EPPK1: variants seen among roughly 807,000 people sequenced by gnomAD.
EPPK1 encodes epiplakin.
For synonymous variants in EPPK1, 1,862 were observed against 1,721.2 expected, an observed-to-expected ratio of 1.08 and a Z score of -2.03; for missense variants, 3,823 against 3,673.3, an observed-to-expected ratio of 1.04 and a Z score of -1.05.
At position 143,866,774 on chromosome 8, in the gene EPPK1, C is replaced by G. The variant is rs1344090961; in HGVS notation, c.6480G>C (p.Glu2160Asp). Residue 2160 changes from glutamate to aspartate, a missense_variant, in exon 2 of 2, where the codon GAG becomes GAC. By Grantham distance (45) the Glu-to-Asp change is conservative. Coordinates refer to ENST00000615648, the MANE Select transcript of EPPK1 (RefSeq NM_031308.4). Reference sequence around the variant, plus strand: ...TGCTGGTTTCCTGCTTCTCGATCAACTCTAAGATGAGCTGCGCTACCGTCT... The same window carrying G: ...TGCTGGTTTCCTGCTTCTCGATCAAGTCTAAGATGAGCTGCGCTACCGTCT... ...ALQTVAQLILELIEKQETSNK... is the reference protein window; with the variant it reads ...ALQTVAQLILDLIEKQETSNK... The G allele has an allele frequency of 2.5e-6, 4 of 1,613,536 alleles. No homozygotes were observed. The highest frequency in any genetic ancestry group is 1.1e-5 in the South Asian group (1 of 91,090).
chr8:143,878,055 C>T (rs1278315576), intron 1 of EPPK1, among the ~76,000 whole-genome samples: 1 of 152,128 alleles, frequency 6.6e-6, no homozygotes, highest in Non-Finnish European at 1.5e-5. Flanking sequence ...GGGCGTTCCC[C>T]ACCCTGCAGA....
Position 143,866,797 on chromosome 8 carries a change from T to A in EPPK1, c.6457A>T (p.Thr2153Ser). The A allele has an allele frequency of 6.2e-7, 1 of 1,613,460 alleles. No individual in the cohort carries two copies. ...YRTHTRRALQ[T>S]VAQLILELIE... ...AACTCTAAGATGAGCTGCGCTACCGTCTGCAGTGCCCGTCTGGTGTGTGTT... is the reference window on the plus strand; with the variant it reads ...AACTCTAAGATGAGCTGCGCTACCGACTGCAGTGCCCGTCTGGTGTGTGTT... The change falls in exon 2 of 2, where the codon ACG becomes TCG. Residue 2153 changes from threonine to serine, a missense_variant. Coordinates refer to ENST00000615648, the MANE Select transcript of EPPK1 (RefSeq NM_031308.4).
Position 143,867,353 on chromosome 8 carries a change from C to A in EPPK1, c.5901G>T (p.Arg1967Ser). ...TGGCAGCTCTTTCAGCCTTCAGGAG[C>A]CTCTCCCGCAGCTCCTCGTTCACCA... The part of the protein sequence containing the change: ...VGLVNEELRE[R>S]LLKAERAATG... Residue 1967 changes from arginine to serine, a missense_variant, in exon 2 of 2, where the codon AGG becomes AGT. Coordinates refer to ENST00000615648, the MANE Select transcript of EPPK1 (RefSeq NM_031308.4). 2 of 1,612,830 alleles carry A rather than the reference C, an allele frequency of 1.2e-6. No homozygotes were observed. Among genetic ancestry groups the A allele is most frequent in the Middle Eastern group, 1.6e-4 (1 of 6,062 alleles).
rs201572196 is a variant in EPPK1 at position 143,870,924 on chromosome 8, G to T, written c.2330C>A (p.Thr777Lys). ...ACAGCGCTCCAGAAGCTGCAGGTAC[G>T]TGAGGTTCTCGTGCGTGTTGGGGTC... The part of the protein sequence containing the change: ...FFDPNTHENL[T>K]YLQLLERCVR... The change falls in exon 2 of 2, where the codon ACG becomes AAG. Residue 777 changes from threonine to lysine, a missense_variant. Transcript: ENST00000615648. This position sits in a 1 kb window ranked among gnomAD's most constrained non-coding sequence, Gnocchi z 5.2. 138 of 1,613,492 alleles carry T rather than the reference G, an allele frequency of 8.6e-5. No individual in the cohort carries two copies. In the African/African-American group the frequency reaches 1.6e-3, roughly 18 times the overall value.
rs374405420 is a variant in EPPK1 at position 143,866,859 on chromosome 8, G to C, written c.6395C>G (p.Thr2132Arg). The C allele has an allele frequency of 2.5e-6, 4 of 1,613,308 alleles. No homozygotes were observed. Among genetic ancestry groups the C allele is most frequent in the South Asian group, 1.1e-5 (1 of 91,084 alleles). ...CACCAGCTGGAGCTTCTTCTCCTCT[G>C]TCACGTATTCGGAATTCAGTAGTGC... Reference protein sequence around the residue: ...LWALLNSEYVTEEKKLQLVRM... With the variant: ...LWALLNSEYVREEKKLQLVRM... The change falls in exon 2 of 2, where the codon ACA becomes AGA. Residue 2132 changes from threonine to arginine, a missense_variant. Thr to Arg is a moderately conservative substitution (Grantham distance 71, BLOSUM62 -1). Transcript: ENST00000615648.
At chr8:143,875,990 A>T (rs1411101744) in intron 1 of EPPK1, among the ~76,000 whole-genome samples, 1 of 149,418 alleles carries the variant, frequency 6.7e-6, no homozygotes, top group Non-Finnish European at 1.5e-5. Context: ...GGGCTCCTCG[A>T]CCCCACAGCT....
chr8:143,875,996 C>T (rs1333095887), intron 1 of EPPK1, among the ~76,000 whole-genome samples: 1 of 152,194 alleles, frequency 6.6e-6, no homozygotes, highest in Non-Finnish European at 1.5e-5. Context: ...CTCGACCCCA[C>T]AGCTCTGGGG....
chr8:143,877,382 C>T (rs1175544891), intron 1 of EPPK1, among the ~76,000 whole-genome samples: 1 of 152,142 alleles, frequency 6.6e-6, no homozygotes, highest in Non-Finnish European at 1.5e-5. Flanking sequence ...GAGGTGGCTG[C>T]TGCCTAGGAG....
rs782142882 is a variant in EPPK1, at chr8:143,868,968, A to G, written c.4286T>C (p.Leu1429Ser). The change falls in exon 2 of 2, where the codon TTG becomes TCG. Residue 1429 changes from leucine to serine, a missense_variant. Coordinates refer to ENST00000615648, the MANE Select transcript of EPPK1 (RefSeq NM_031308.4). ...GTCTGAGGGCAGTGGCAACAGCAAC[A>G]ATCCGGTCTCGGAGTCGCACACGCA... is the stretch of plus-strand genomic sequence containing the variant. The part of the protein sequence containing the change: ...ERCVCDSETG[L>S]LLLPLPSDTV... The G allele has an allele frequency of 3.1e-6, 5 of 1,610,100 alleles. No homozygotes were observed. The East Asian group carries it at 6.7e-5, about 22-fold the overall frequency.
chr8:143,870,801 A>C lies in EPPK1; in HGVS notation c.2453T>G (p.Leu818Arg). The change falls in exon 2 of 2, where the codon CTG (leucine) becomes CGG (arginine). Residue 818 changes from leucine to arginine, a missense_variant. By Grantham distance (102) the Leu-to-Arg change is moderately radical. Transcript: ENST00000615648. This position sits in a 1 kb window ranked among gnomAD's most constrained non-coding sequence, Gnocchi z 5.2. ...AAACCGTCCATACTTCACGGAGAGC[A>C]GCAGGTTCTGGAAGGCCTGCTGGGT... ...SATQQAFQNL[L>R]LSVKYGRFQG... The C allele has an allele frequency of 2.5e-6, 4 of 1,612,730 alleles. No individual in the cohort carries two copies. Among genetic ancestry groups the C allele is most frequent in the Non-Finnish European group, 3.4e-6 (4 of 1,179,844 alleles).
At position 143,862,129 on chromosome 8, in the gene EPPK1, T is replaced by TG; in HGVS notation, c.11124dup (p.Thr3709HisfsTer98). ...AACTGCCCGCGCTGCACCTCCATGG[T>TG]GGCATCACGCAGGGTCTGCTCCTGG... On this transcript the variant is annotated frameshift_variant, in exon 2 of 2. Coordinates refer to ENST00000615648, the MANE Select transcript of EPPK1 (RefSeq NM_031308.4). LOFTEE classifies it low-confidence loss of function (END_TRUNC). 1 of 198,276 alleles carries TG rather than the reference T, an allele frequency of 5.0e-6. No individual in the cohort carries two copies. The highest frequency in any genetic ancestry group is 7.7e-6 in the Non-Finnish European group (1 of 129,752). The allele number at this position is 198,276 out of a possible 1,614,324, so 12.3% of individuals were successfully genotyped here.
Position 143,868,979 on chromosome 8 carries a change from G to A in EPPK1, c.4275C>T (p.Ser1425=), listed in dbSNP as rs782740869. 2.6e-5 allele frequency: 42 copies of A among 1,610,172 alleles called. No homozygotes were observed. The highest frequency in any genetic ancestry group is 2.0e-4 in the South Asian group (18 of 91,082). ...QQLRERCVCD[S]ETGLLLLPLP... ...GTGGCAACAGCAACAATCCGGTCTC[G>A]GAGTCGCACACGCAGCGCTCCCTGA... Residue 1425 remains serine, a synonymous_variant, in exon 2 of 2, where the codon TCC becomes TCT. Transcript: ENST00000615648.
rs1554661929 is a variant in EPPK1, at chr8:143,873,270, T to C, written c.-17A>G. 1.3e-6 allele frequency: 2 copies of C among 1,523,462 alleles called. No individual in the cohort carries two copies. The highest frequency in any genetic ancestry group is 1.7e-6 in the Non-Finnish European group (2 of 1,144,140). 94.4% of individuals were successfully genotyped at this position (1,523,462 alleles called of 1,614,324 possible). A position where few individuals can be genotyped will look rare whatever the true frequency, so the allele number is the denominator to read the frequency against. On this transcript the variant is annotated 5_prime_UTR_variant, in exon 2 of 2. Coordinates refer to ENST00000615648, the MANE Select transcript of EPPK1 (RefSeq NM_031308.4). Reference sequence around the variant, plus strand: ...GCCACTCATCACACACGGCTGGTTATGCAGAGCCTGCTGAGGTCCACCTCT... The same window carrying C: ...GCCACTCATCACACACGGCTGGTTACGCAGAGCCTGCTGAGGTCCACCTCT...
chr8:143,874,833 T>A (rs570278408), intron 1 of EPPK1, among the ~76,000 whole-genome samples: 1 of 152,112 alleles, frequency 6.6e-6, no homozygotes, highest in African/African-American at 2.4e-5. Flanking sequence ...TCCCTACCTC[T>A]ACACAAGGTC....
Position 143,872,771 on chromosome 8 carries a change from C to T in EPPK1, c.483G>A (p.Val161=), listed in dbSNP as rs1292791577. The change falls in exon 2 of 2, where the codon GTG becomes GTA. Residue 161 remains valine, a synonymous_variant. Coordinates refer to ENST00000615648, the MANE Select transcript of EPPK1 (RefSeq NM_031308.4). ...LEVQLATGGL[V]DPAQGVLVAP... ...CCACGAGCACTCCCTGGGCGGGGTCCACCAGGCCCCCAGTGGCCAGTTGGA... is the reference window on the plus strand; with the variant it reads ...CCACGAGCACTCCCTGGGCGGGGTCTACCAGGCCCCCAGTGGCCAGTTGGA... The T allele has an allele frequency of 1.3e-6, 2 of 1,582,148 alleles. No homozygotes were observed. Among genetic ancestry groups the T allele is most frequent in the Non-Finnish European group, 1.7e-6 (2 of 1,160,252 alleles).
At chr8:143,878,153 G>A (rs1053843685) in intron 1 of EPPK1, among the ~76,000 whole-genome samples, 1 of 151,982 alleles carries the variant, frequency 6.6e-6, no homozygotes, top group African/African-American at 2.4e-5. Flanking sequence ...AGGGCTCGGG[G>A]CCGGCGCCTC....
Position 143,870,667 on chromosome 8 carries a change from GC to G in EPPK1, c.2586del (p.Gln863ArgfsTer88). 6.2e-7 allele frequency: 1 copy of G among 1,607,948 alleles called. No homozygotes were observed. The highest frequency in any genetic ancestry group is 8.5e-7 in the Non-Finnish European group (1 of 1,177,930). ...TCCGCCTCCAGCAGCTTTGCCACCT[GC>G]CCCAGCGTGACCTCGCGCTGCCGGT... ...RRYRQREVTL[G>X]QVAKLLEAET... On this transcript the variant is annotated frameshift_variant, in exon 2 of 2. Transcript: ENST00000615648. LOFTEE classifies it low-confidence loss of function (END_TRUNC). The surrounding 1 kb of genome is among the most constrained non-coding windows in gnomAD (Gnocchi z 5.2).
chr8:143,870,939 G>A lies in EPPK1; in HGVS notation c.2315C>T (p.Thr772Met), dbSNP rs1162048442. The change falls in exon 2 of 2, where the codon ACG becomes ATG. Residue 772 changes from threonine to methionine, a missense_variant. Coordinates refer to ENST00000615648, the MANE Select transcript of EPPK1 (RefSeq NM_031308.4). This position sits in a 1 kb window ranked among gnomAD's most constrained non-coding sequence, Gnocchi z 5.2. ...CTGCAGGTACGTGAGGTTCTCGTGC[G>A]TGTTGGGGTCGAAGAAGCCCTTGGT... ...DDTKGFFDPN[T>M]HENLTYLQLL... 14 of 1,613,334 alleles carry A rather than the reference G, an allele frequency of 8.7e-6. No individual in the cohort carries two copies. The highest frequency in any genetic ancestry group is 4.4e-5 in the South Asian group (4 of 91,088).
At chr8:143,874,876 C>T (rs957242058) in intron 1 of EPPK1, among the ~76,000 whole-genome samples, 2 of 152,088 alleles carry the variant, frequency 1.3e-5, no homozygotes, top group Non-Finnish European at 2.9e-5. Flanking sequence ...CGTTTGACCC[C>T]CACCCCCACT....
Sources: allele counts gnomAD v4.1 joint callset (sites outside exome capture counted in the v4.1 genomes callset), GRCh38; gene constraint gnomAD v4.1.1; non-coding constraint Gnocchi (gnomAD v3.1); transcripts MANE v1.5; gene names NCBI Gene and HGNC (gene_info 2026-07-23, HGNC 2026-07-21).